The following PHKB variants were observed in gnomAD, a reference collection of about 807,000 sequenced individuals.
PHKB encodes the protein phosphorylase kinase regulatory subunit beta.
A neutral mutation model predicts 152.1 loss-of-function variants in PHKB; 122 were observed. The ratio of observed to expected loss-of-function variants is 0.80; its 90% CI spans 0.69 to 0.93. The LOEUF (loss-of-function observed/expected upper bound fraction) is 0.93, where lower values mean the gene tolerates loss of function less well. Among genes scored for constraint, PHKB ranks in the 40% least tolerant of loss-of-function variants. The probability of loss-of-function intolerance (pLI) is 0.00; values close to 1 mark genes in which losing one functional copy is unlikely to be tolerated. For synonymous variants in PHKB, 436 were observed against 464.9 expected, an observed-to-expected ratio of 0.94 and a Z score of 0.80; for missense variants, 1,304 against 1,328.4, an observed-to-expected ratio of 0.98 and a Z score of 0.29.
chr16:47,517,664 A>G (rs1368985095), intron 6 of PHKB, among the ~76,000 whole-genome samples: 1 of 152,180 alleles, frequency 6.6e-6, no homozygotes, highest in African/African-American at 2.4e-5. Flanking sequence ...TTTCATGAAT[A>G]TTATATCACT....
At chr16:47,544,615 A>G (rs1306066553) in intron 6 of PHKB, among the ~76,000 whole-genome samples, 4 of 152,220 alleles carry the variant, frequency 2.6e-5, no homozygotes, top group Non-Finnish European at 1.5e-5. Flanking sequence ...CAATTGTTCC[A>G]GAGCTGAGTT....
At chr16:47,601,901 G>A (rs941858966) in intron 13 of PHKB, among the ~76,000 whole-genome samples, 1 of 152,014 alleles carries the variant, frequency 6.6e-6, no homozygotes, top group African/African-American at 2.4e-5. Context: ...TTTTTAGGGT[G>A]GATATTTTGA....
At chr16:47,697,744 T>C (rs1974174269) in intron 29 of PHKB, among the ~76,000 whole-genome samples, 1 of 152,248 alleles carries the variant, frequency 6.6e-6, no homozygotes, top group Admixed American at 6.5e-5. Context: ...CCTTTACCAA[T>C]TATTGCATAT....
intron 1 of PHKB, among the ~76,000 whole-genome samples, chr16:47,492,261 A>G (rs1313472645): frequency 2.0e-5 from 3 of 152,246 alleles, no homozygotes; most frequent in East Asian, 3.8e-4. Context: ...TGGACAAAGT[A>G]CACTAGATTG....
intron 14 of PHKB, among the ~76,000 whole-genome samples, chr16:47,629,724 C>T (rs910764800): frequency 3.0e-4 from 45 of 152,278 alleles, no homozygotes; most frequent in Non-Finnish European, 5.0e-4. Flanking sequence ...CATATGCACA[C>T]GTATGTTTAT....
At chr16:47,684,302 G>C (rs537958800) in intron 26 of PHKB, among the ~76,000 whole-genome samples, 2 of 151,850 alleles carry the variant, frequency 1.3e-5, no homozygotes, top group African/African-American at 4.8e-5. Flanking sequence ...CTCCACCCTG[G>C]GTGACAAGTA....
At chr16:47,494,609 C>T (rs1400096177) in intron 1 of PHKB, among the ~76,000 whole-genome samples, 1 of 152,154 alleles carries the variant, frequency 6.6e-6, no homozygotes, top group East Asian at 1.9e-4. Context: ...CTATTTTTCT[C>T]CTATCATTGA....
At chr16:47,614,672 CT>C (rs985675530) in intron 14 of PHKB, among the ~76,000 whole-genome samples, 2 of 152,140 alleles carry the variant, frequency 1.3e-5, no homozygotes, top group Non-Finnish European at 2.9e-5. Context: ...TTCTTCATTT[CT>C]TAAACATAAT....
intron 26 of PHKB, among the ~76,000 whole-genome samples, chr16:47,682,630 T>C (rs1009650918): frequency 5.3e-5 from 8 of 152,222 alleles, no homozygotes; most frequent in Non-Finnish European, 8.8e-5. Flanking sequence ...CTTTAAGGAC[T>C]TCTCTGCGTT....
chr16:47,613,692 G>A (rs1292112346), intron 14 of PHKB, among the ~76,000 whole-genome samples: 5 of 151,928 alleles, frequency 3.3e-5, no homozygotes, highest in Non-Finnish European at 5.9e-5. Context: ...CCACCGTCAC[G>A]GTCAAAATAC....
intron 7 of PHKB, among the ~76,000 whole-genome samples, chr16:47,567,574 T>C (rs1971591236): frequency 6.6e-6 from 1 of 152,228 alleles, no homozygotes; most frequent in Non-Finnish European, 1.5e-5. Context: ...CAGTGCTATG[T>C]TGAATAGAAG....
At chr16:47,524,752 T>G (rs771227929) in intron 6 of PHKB, among the ~76,000 whole-genome samples, 1 of 152,224 alleles carries the variant, frequency 6.6e-6, no homozygotes, top group Non-Finnish European at 1.5e-5. Context: ...CTAACGTTAG[T>G]ATTCATTTGT....
At chr16:47,508,351 A>G (rs1369794571) in intron 4 of PHKB, among the ~76,000 whole-genome samples, 1 of 152,162 alleles carries the variant, frequency 6.6e-6, no homozygotes, top group Non-Finnish European at 1.5e-5. Context: ...AGGCATTCAG[A>G]GTTTTTCAGA....
intron 16 of PHKB, 33 bp downstream of exon 16, chr16:47,641,725 T>G (rs746450362): frequency 8.7e-7 from 1 of 1,147,986 alleles, no homozygotes; most frequent in South Asian, 1.2e-5. Flanking sequence ...TTCCTTACTT[T>G]GTAGAGGTAC....
At chr16:47,568,696 A>G (rs1971608329) in intron 7 of PHKB, among the ~76,000 whole-genome samples, 1 of 152,158 alleles carries the variant, frequency 6.6e-6, no homozygotes, top group African/African-American at 2.4e-5. Flanking sequence ...CTTTTGCTGT[A>G]TCCCAGGAAT....
intron 20 of PHKB, among the ~76,000 whole-genome samples, chr16:47,658,809 A>AGT (rs36066227): frequency 0.32 from 45,256 of 140,578 alleles, 7,232 homozygotes; most frequent in East Asian, 0.5. Context: ...AATGCATGAC[A>AGT]GTGTGTGTGT....
intron 1 of PHKB, among the ~76,000 whole-genome samples, chr16:47,473,050 T>TTTTGTTTG (rs538902267): frequency 5.3e-5 from 8 of 150,762 alleles, no homozygotes; most frequent in Admixed American, 5.3e-4. Flanking sequence ...GTGTTTTTTT[T>TTTTGTTTG]TTTGTTTGTT....
chr16:47,484,334 T>C (rs147060056), intron 1 of PHKB, among the ~76,000 whole-genome samples: 1 of 152,314 alleles, frequency 6.6e-6, no homozygotes, highest in Non-Finnish European at 1.5e-5. Flanking sequence ...TTATATTATT[T>C]CATATTTGCC....
chr16:47,483,060 A>G (rs757123230), intron 1 of PHKB, among the ~76,000 whole-genome samples: 5 of 96,496 alleles, frequency 5.2e-5, no homozygotes, highest in Middle Eastern at 0.012. Flanking sequence ...TTTTTTGGAG[A>G]CAGAGTCTCA....
Sources: allele counts gnomAD v4.1 joint callset (sites outside exome capture counted in the v4.1 genomes callset), GRCh38; gene constraint gnomAD v4.1.1; transcripts MANE v1.5; gene names NCBI Gene and HGNC (gene_info 2026-07-23, HGNC 2026-07-21).